Variants in ARHGAP25 observed in about 807,000 individuals in gnomAD.
The protein encoded by ARHGAP25 is Rho GTPase activating protein 25.
ARHGAP25 carries 34 observed loss-of-function variants against 71.0 expected under a neutral mutation model. The ratio of observed to expected loss-of-function variants is 0.48; its 90% CI spans 0.36 to 0.64. The LOEUF is 0.64. Ranked by LOEUF, ARHGAP25 falls within the 30% of genes least tolerant of loss-of-function variation. ARHGAP25 has a pLI of 0.00. For missense variants in ARHGAP25, 706 were observed against 805.1 expected, an observed-to-expected ratio of 0.88 and a Z score of 1.49; for synonymous variants, 282 against 296.5, an observed-to-expected ratio of 0.95 and a Z score of 0.50.
intron 10 of ARHGAP25, among the ~76,000 whole-genome samples, chr2:68,825,256 T>C (rs150431337): frequency 2.1e-3 from 321 of 152,226 alleles, no homozygotes; most frequent in Non-Finnish European, 3.5e-3. Flanking sequence ...ATGCTCTCCA[T>C]TGACACAGGA....
intron 4 of ARHGAP25, among the ~76,000 whole-genome samples, chr2:68,799,958 G>A (rs540200981): frequency 2.7e-4 from 41 of 152,330 alleles, no homozygotes; most frequent in African/African-American, 7.9e-4. Context: ...AGGATGCCGC[G>A]GTGGGAACTG....
intron 1 of ARHGAP25, among the ~76,000 whole-genome samples, chr2:68,736,403 C>A (rs2104279113): frequency 6.6e-6 from 1 of 152,268 alleles, no homozygotes; most frequent in Non-Finnish European, 1.5e-5. Context: ...AGATTTTCCT[C>A]CTAACTATCA....
intron 1 of ARHGAP25, among the ~76,000 whole-genome samples, chr2:68,747,594 C>T (rs529734550): frequency 3.3e-5 from 5 of 152,288 alleles, no homozygotes; most frequent in East Asian, 1.9e-4. Context: ...TTAGCTCCAA[C>T]GTCTCTTCTG....
chr2:68,766,669 A>C (rs1004584271), intron 1 of ARHGAP25, among the ~76,000 whole-genome samples: 5 of 152,272 alleles, frequency 3.3e-5, no homozygotes, highest in Non-Finnish European at 5.9e-5. Context: ...AGAGCTGCTG[A>C]TAAGAAAGAA....
At chr2:68,821,398 C>G (rs1489131406) in intron 9 of ARHGAP25, among the ~76,000 whole-genome samples, 1 of 152,194 alleles carries the variant, frequency 6.6e-6, no homozygotes, top group Non-Finnish European at 1.5e-5. Flanking sequence ...CTGCACCCAG[C>G]CTTTCAGTTC....
At position 68,767,788 on chromosome 2, in the gene ARHGAP25, T is replaced by C. The variant is rs1027164446; in HGVS notation, c.62-7433T>C. On this transcript the variant is annotated intron_variant, in intron 1 of 10. Coordinates refer to ENST00000409202, the MANE Select transcript of ARHGAP25 (RefSeq NM_001007231.3). This position sits in a 1 kb window ranked among gnomAD's most constrained non-coding sequence, Gnocchi z 4.6. ...CAGTACCATTTCTCTGTCACTGTGT[T>C]TTCGAGGCCTGCTGAGCCTTGCAGA... Among the ~76,000 whole-genome samples the C allele has an allele frequency of 6.6e-6, 1 of 152,170 alleles. No individual in the cohort carries two copies. Among genetic ancestry groups the C allele is most frequent in the Non-Finnish European group, 1.5e-5 (1 of 68,020 alleles).
intron 1 of ARHGAP25, 141 bp from the exon 2 acceptor site, chr2:68,775,080 C>T (rs1055838370): frequency 6.4e-7 from 1 of 1,551,200 alleles, no homozygotes; most frequent in African/African-American, 1.4e-5. Context: ...TTCTCTGGCT[C>T]AGATCCGGAC....
At chr2:68,722,990 C>T (rs1463899597) in intron 2 of ARHGAP25, among the ~76,000 whole-genome samples, 1 of 152,202 alleles carries the variant, frequency 6.6e-6, no homozygotes, top group Non-Finnish European at 1.5e-5. Flanking sequence ...GCTCCCATCA[C>T]CTCTCTGCTC....
intron 1 of ARHGAP25, among the ~76,000 whole-genome samples, chr2:68,741,786 T>C (rs181296250): frequency 5.4e-4 from 83 of 152,320 alleles, no homozygotes; most frequent in Non-Finnish European, 9.6e-4. Context: ...ATGTTGAAAG[T>C]TATTTCTTTT....
In ARHGAP25 at chr2:68,826,460, G is replaced by A; in HGVS notation, c.*266G>A. On this transcript the variant is annotated 3_prime_UTR_variant, in exon 11 of 11. Coordinates refer to ENST00000409202, the MANE Select transcript of ARHGAP25 (RefSeq NM_001007231.3). Reference sequence around the variant, plus strand: ...CTGGTCTCAGGCATGACCACGTCCAGTGAAGACATTTGAGGCAGCACATCT... The same window carrying A: ...CTGGTCTCAGGCATGACCACGTCCAATGAAGACATTTGAGGCAGCACATCT... The A allele has an allele frequency of 1.8e-6, 1 of 545,418 alleles. No individual in the cohort carries two copies. Among genetic ancestry groups the A allele is most frequent in the Non-Finnish European group, 3.4e-6 (1 of 296,544 alleles). 33.8% of individuals were successfully genotyped at this position (545,418 alleles called of 1,614,324 possible).
intron 1 of ARHGAP25, among the ~76,000 whole-genome samples, chr2:68,750,996 C>T (rs2104315624): frequency 6.6e-6 from 1 of 152,310 alleles, no homozygotes; most frequent in South Asian, 2.1e-4. Context: ...CCAGCAAGTC[C>T]AGCTGACATT....
At chr2:68,743,743 C>T (rs1306448211) in intron 1 of ARHGAP25, among the ~76,000 whole-genome samples, 1 of 152,078 alleles carries the variant, frequency 6.6e-6, no homozygotes, top group East Asian at 1.9e-4. Flanking sequence ...GATCTTCTTC[C>T]TGTGAGCGTT....
At chr2:68,772,243 C>G (rs190308929) in intron 1 of ARHGAP25, among the ~76,000 whole-genome samples, 158 of 152,354 alleles carry the variant, frequency 1.0e-3, no homozygotes, top group Middle Eastern at 3.4e-3. Flanking sequence ...CCCCTAACCC[C>G]CACTGTGGTC....
At chr2:68,745,079 C>T (rs1412269747) in intron 1 of ARHGAP25, among the ~76,000 whole-genome samples, 1 of 152,212 alleles carries the variant, frequency 6.6e-6, no homozygotes, top group Non-Finnish European at 1.5e-5. Context: ...CCCCTAAAGG[C>T]AGATGAGCCT....
In ARHGAP25 at chr2:68,813,384, C is replaced by T; in HGVS notation, c.772C>T (p.Leu258Phe). The change falls in exon 6 of 11, where the codon CTC becomes TTC. Residue 258 changes from leucine (L) to phenylalanine (F), a missense_variant. By Grantham distance (22) the Leu-to-Phe change is conservative. Coordinates refer to ENST00000409202, the MANE Select transcript of ARHGAP25 (RefSeq NM_001007231.3). Reference sequence around the variant, plus strand: ...CTGGAGCCAGTACGAAGGGTTCCTGCTCTGTGGGCAGCTCACGAATGCGGA... The same window carrying T: ...CTGGAGCCAGTACGAAGGGTTCCTGTTCTGTGGGCAGCTCACGAATGCGGA... Reference protein sequence around the residue: ...VPWSQYEGFLLCGQLTNADEA... With the variant: ...VPWSQYEGFLFCGQLTNADEA... 1 of 1,613,580 alleles carries T rather than the reference C, an allele frequency of 6.2e-7. No homozygotes were observed. Among genetic ancestry groups the T allele is most frequent in the African/African-American group, 1.3e-5 (1 of 74,940 alleles).
intron 1 of ARHGAP25, among the ~76,000 whole-genome samples, chr2:68,739,299 G>T (rs1432916076): frequency 6.6e-6 from 1 of 152,202 alleles, no homozygotes; most frequent in Non-Finnish European, 1.5e-5. Flanking sequence ...CTAGGCCAGG[G>T]TTAAGATGCC....
intron 2 of ARHGAP25, among the ~76,000 whole-genome samples, chr2:68,724,078 A>C (rs1249487727): frequency 6.6e-6 from 1 of 152,038 alleles, no homozygotes; most frequent in African/African-American, 2.4e-5. Context: ...TCTGAGTATG[A>C]CAGGACAATG....
At chr2:68,787,200 C>T (rs1429237581) in intron 3 of ARHGAP25, among the ~76,000 whole-genome samples, 4 of 152,170 alleles carry the variant, frequency 2.6e-5, no homozygotes, top group South Asian at 2.1e-4. Context: ...GAACACCAAC[C>T]GAGGAAACAC....
rs539784557 is a variant in ARHGAP25 at position 68,807,198 on chromosome 2, G to T, written c.467-75G>T. 1.6e-5 allele frequency: 24 copies of T among 1,463,524 alleles called. No homozygotes were observed. The South Asian group carries it at 2.7e-4, about 16-fold the overall frequency. 90.7% of individuals were successfully genotyped at this position (1,463,524 alleles called of 1,614,324 possible). A position where few individuals can be genotyped will look rare whatever the true frequency, so the allele number is the denominator to read the frequency against. ...CAATAAAACCTGTGAAGACACAGGTGACACAGAAAGTCAAGAAATAGTTCA... is the reference window on the plus strand; with the variant it reads ...CAATAAAACCTGTGAAGACACAGGTTACACAGAAAGTCAAGAAATAGTTCA... On this transcript the variant is annotated intron_variant, in intron 4 of 10. Coordinates refer to ENST00000409202, the MANE Select transcript of ARHGAP25 (RefSeq NM_001007231.3).
Sources: gnomAD v4.1 joint callset for allele counts (sites outside exome capture counted in the v4.1 genomes callset) on GRCh38, gnomAD v4.1.1 for gene constraint, Gnocchi (gnomAD v3.1) non-coding constraint, MANE v1.5 for transcripts, NCBI Gene and HGNC (gene_info 2026-07-23, HGNC 2026-07-21) for gene names.